Variants in GPR137B observed in about 807,000 individuals in gnomAD.
GPR137B encodes the protein G protein-coupled receptor 137B.
Under a neutral mutation model 42.5 loss-of-function variants are expected in GPR137B, and 42 were observed. The observed-to-expected ratio is 0.99, with a 90% CI of 0.77 to 1.28. GPR137B has a LOEUF of 1.28. Among genes scored for constraint, GPR137B ranks in the 50% most tolerant of loss-of-function variants. The pLI is 0.00. For missense variants in GPR137B, 487 were observed against 493.9 expected (o/e 0.99, Z 0.13); for synonymous variants, 218 against 209.7 (o/e 1.04, Z -0.34).
chr1:236,198,023 G>T (rs144897067), intron 5 of GPR137B, among the ~76,000 whole-genome samples: 90 of 151,994 alleles, frequency 5.9e-4, no homozygotes, highest in African/African-American at 1.9e-3. Flanking sequence ...ATCCGGCCCT[G>T]CCTGCCTATT....
intron 5 of GPR137B, among the ~76,000 whole-genome samples, chr1:236,191,962 A>T (rs566381259): frequency 1.3e-5 from 2 of 152,078 alleles, no homozygotes; most frequent in African/African-American, 2.4e-5. Context: ...TCCCAGGGAG[A>T]TGGGGGTTTT....
chr1:236,190,725 T>G (rs1056659003), intron 5 of GPR137B, among the ~76,000 whole-genome samples: 2 of 152,240 alleles, frequency 1.3e-5, no homozygotes, highest in African/African-American at 4.8e-5. Context: ...GGGCTTCCCT[T>G]TGTGGGTAAC....
In GPR137B at chr1:236,180,044, G is replaced by A. The variant is rs765921552; in HGVS notation, c.837+16G>A. 6.2e-7 allele frequency: 1 copy of A among 1,609,714 alleles called. No homozygotes were observed. Among genetic ancestry groups the A allele is most frequent in the South Asian group, 1.1e-5 (1 of 90,972 alleles). On this transcript the variant is annotated intron_variant, in intron 4 of 6. Coordinates refer to ENST00000366592, the MANE Select transcript of GPR137B (RefSeq NM_003272.4). ...ATCAGACCAGGTCAGTGGGGGCGCT[G>A]AGGAGGTGTCACCTGACCAGGGACT...
rs146537887 is a variant in GPR137B, at chr1:236,168,598, G to T, written c.415-108G>T. On this transcript the variant is annotated intron_variant, in intron 1 of 6. Coordinates refer to ENST00000366592, the MANE Select transcript of GPR137B (RefSeq NM_003272.4). ...CGTGGACATTTCAATTATAAAAAAC[G>T]TGCCCAGCGCTGGGGGATGAAGGGG... 605 of 787,598 alleles carry T rather than the reference G, an allele frequency of 7.7e-4. 3 individuals are homozygous for T. The African/African-American group carries it at 9.3e-3, about 12-fold the overall frequency. 48.8% of individuals were successfully genotyped at this position (787,598 alleles called of 1,614,324 possible). A position where few individuals can be genotyped will look rare whatever the true frequency, so the allele number is the denominator to read the frequency against.
intron 5 of GPR137B, among the ~76,000 whole-genome samples, chr1:236,187,931 T>TTTTGA (rs1364559455): frequency 1.3e-5 from 2 of 152,210 alleles, no homozygotes; most frequent in African/African-American, 2.4e-5. Context: ...AGTATGGCCA[T>TTTTGA]TTTCACAATA....
intron 5 of GPR137B, among the ~76,000 whole-genome samples, chr1:236,202,219 G>A (rs1663511512): frequency 6.6e-6 from 1 of 152,048 alleles, no homozygotes; most frequent in African/African-American, 2.4e-5. Flanking sequence ...GCTTTCTTAA[G>A]TGCTTTATGC....
At chr1:236,159,882 G>C (rs1662138476) in intron 1 of GPR137B, among the ~76,000 whole-genome samples, 1 of 152,252 alleles carries the variant, frequency 6.6e-6, no homozygotes, top group African/African-American at 2.4e-5. Flanking sequence ...TTGGCCCACT[G>C]TGGGAGCGGG....
chr1:236,142,685 G>C lies in GPR137B; in HGVS notation c.63G>C (p.Trp21Cys), dbSNP rs1661556017. Residue 21 changes from tryptophan (W) to cysteine (C), a missense_variant, in exon 1 of 7, where the codon TGG (tryptophan) becomes TGC (cysteine). By Grantham distance (215) the Trp-to-Cys change is radical (BLOSUM62 -2). Transcript: ENST00000366592. ...SAPGPMETPP[W>C]DPARNDSLPP... Reference sequence around the variant, plus strand: ...CCGGCCCGATGGAGACCCCGCCGTGGGACCCAGCCCGCAACGACTCGCTGC... The same window carrying C: ...CCGGCCCGATGGAGACCCCGCCGTGCGACCCAGCCCGCAACGACTCGCTGC... 5.1e-6 allele frequency: 8 copies of C among 1,572,408 alleles called. No individual in the cohort carries two copies. Among genetic ancestry groups the C allele is most frequent in the African/African-American group, 1.4e-5 (1 of 73,922 alleles).
rs1216370671 is a variant in GPR137B, at chr1:236,142,782, G to A, written c.160G>A (p.Ala54Thr). The change falls in exon 1 of 7, where the codon GCG (alanine) becomes ACG (threonine). Residue 54 changes from alanine to threonine, a missense_variant. Ala to Thr is a moderately conservative substitution (Grantham distance 58). Coordinates refer to ENST00000366592, the MANE Select transcript of GPR137B (RefSeq NM_003272.4). The stretch of plus-strand genomic sequence containing the variant: ...CACCGTCGTCTACACCGTGTTCTAC[G>A]CGCTGCTCTTCGTGTTCATCTACGT... ...GLTVVYTVFY[A>T]LLFVFIYVQL... 5 of 1,613,754 alleles carry A rather than the reference G, an allele frequency of 3.1e-6. No individual in the cohort carries two copies. The Admixed American group carries it at 6.7e-5, about 22-fold the overall frequency.
chr1:236,181,294 A>G (rs538842951), intron 4 of GPR137B, among the ~76,000 whole-genome samples: 1 of 152,340 alleles, frequency 6.6e-6, no homozygotes, highest in South Asian at 2.1e-4. Context: ...AACTCAAAGC[A>G]ACAATGAGAA....
intron 1 of GPR137B, among the ~76,000 whole-genome samples, chr1:236,158,949 T>C (rs1378587958): frequency 6.6e-6 from 1 of 152,208 alleles, no homozygotes. Flanking sequence ...CAGAGGTGAC[T>C]TCTGTTGAGT....
chr1:236,206,783 C>T (rs1663675360), intron 6 of GPR137B, among the ~76,000 whole-genome samples: 2 of 152,108 alleles, frequency 1.3e-5, no homozygotes, highest in Non-Finnish European at 2.9e-5. Context: ...CTCCACTACC[C>T]GATGACTATC....
chr1:236,180,436 ATGAC>A (rs761357663), intron 4 of GPR137B, among the ~76,000 whole-genome samples: 14 of 152,128 alleles, frequency 9.2e-5, no homozygotes, highest in African/African-American at 3.1e-4. Flanking sequence ...CTGCTGGTGA[ATGAC>A]TGAGTGACCT....
chr1:236,166,000 GTAA>G (rs1471783883), intron 1 of GPR137B, among the ~76,000 whole-genome samples: 1 of 152,234 alleles, frequency 6.6e-6, no homozygotes, highest in Non-Finnish European at 1.5e-5. Flanking sequence ...TTGGGTAAGA[GTAA>G]TCCAGGCGTG....
chr1:236,183,904 C>T lies in GPR137B; in HGVS notation c.964C>T (p.Leu322Phe), dbSNP rs1216217465. The stretch of plus-strand genomic sequence containing the variant: ...CCGAGTTAGAAATCCTACAAAGGAC[C>T]TTGTAAGTAAACCATTTTACATTTG... The part of the protein sequence containing the change: ...FFRVRNPTKD[L>F]TNPGMVPSHG... The change falls in exon 5 of 7, where the codon CTT becomes TTT. Residue 322 changes from leucine (L) to phenylalanine (F), a missense_variant and splice_region_variant. Coordinates refer to ENST00000366592, the MANE Select transcript of GPR137B (RefSeq NM_003272.4). The T allele has an allele frequency of 6.2e-7, 1 of 1,605,228 alleles. No homozygotes were observed. Among genetic ancestry groups the T allele is most frequent in the Non-Finnish European group, 8.5e-7 (1 of 1,173,122 alleles).
At chr1:236,183,741 C>T (rs775531253) in intron 4 of GPR137B, 37 bp from the exon 5 acceptor site, 2 of 1,526,758 alleles carry the variant, frequency 1.3e-6, no homozygotes, top group East Asian at 2.3e-5. Context: ...TTTCCTCTTC[C>T]CTTGGTCTGA....
At chr1:236,202,631 AGATG>A (rs1272481731) in intron 5 of GPR137B, among the ~76,000 whole-genome samples, 2 of 152,054 alleles carry the variant, frequency 1.3e-5, no homozygotes, top group Non-Finnish European at 2.9e-5. Context: ...TAAATAGAAT[AGATG>A]AACAGAATCT....
intron 4 of GPR137B, among the ~76,000 whole-genome samples, chr1:236,180,840 ACTCCTACCTCAGGTGATCCAC>A (rs563507920): frequency 5.3e-5 from 8 of 151,856 alleles, no homozygotes; most frequent in African/African-American, 1.9e-4. Context: ...CTGGTCTCGA[ACTCCTACCTCAGGTGATCCAC>A]CTGCCTCGGC....
At chr1:236,159,287 C>T (rs531555952) in intron 1 of GPR137B, among the ~76,000 whole-genome samples, 21 of 152,254 alleles carry the variant, frequency 1.4e-4, no homozygotes, top group African/African-American at 4.8e-4. Context: ...GCACTCCAGC[C>T]TGGGTGACAG....
Sources: gnomAD v4.1 joint callset for allele counts (sites outside exome capture counted in the v4.1 genomes callset) on GRCh38, gnomAD v4.1.1 for gene constraint, MANE v1.5 for transcripts, NCBI Gene and HGNC (gene_info 2026-07-23, HGNC 2026-07-21) for gene names.